The following ZNF385B variants were observed in gnomAD, a reference collection of about 807,000 sequenced individuals.
ZNF385B encodes zinc finger protein 385B, also known as zinc finger protein 533.
A neutral mutation model predicts 39.2 loss-of-function variants in ZNF385B; 23 were observed. The observed-to-expected ratio is 0.59, with a 90% CI of 0.42 to 0.83. ZNF385B has a LOEUF of 0.83. ZNF385B is among the 40% of genes least tolerant of loss of function. ZNF385B has a pLI of 0.00. For synonymous variants in ZNF385B, 205 were observed against 222.6 expected (o/e 0.92, Z 0.70); for missense variants, 552 against 598.9 (o/e 0.92, Z 0.82).
intron 5 of ZNF385B, among the ~76,000 whole-genome samples, chr2:179,493,618 T>C (rs372362259): frequency 0.029 from 3,125 of 107,994 alleles, 367 homozygotes; most frequent in Admixed American, 0.059. Flanking sequence ...TGTACGTACA[T>C]ATATGTATAC....
intron 1 of ZNF385B, among the ~76,000 whole-genome samples, chr2:179,838,649 T>C (rs1383022890): frequency 6.6e-6 from 1 of 152,166 alleles, no homozygotes; most frequent in Non-Finnish European, 1.5e-5. Context: ...TGTAAAGCTA[T>C]ATATAGATAG....
intron 4 of ZNF385B, among the ~76,000 whole-genome samples, chr2:179,537,601 T>C (rs2059655551): frequency 1.3e-5 from 2 of 151,702 alleles, no homozygotes; most frequent in African/African-American, 4.8e-5. Context: ...ATTAGCCAGG[T>C]GTGGTGGCGT....
Position 179,535,068 on chromosome 2 carries a change from T to C in ZNF385B, c.441+9759A>G, listed in dbSNP as rs542575528. 3.9e-5 allele frequency among the ~76,000 whole-genome samples: 6 copies of C among 152,274 alleles called. No individual in the cohort carries two copies. The South Asian group carries it at 1.2e-3, about 32-fold the overall frequency. ...AATGGACCATCTTATATAGAGAAGT[T>C]TGGGTCTACCTGGGAAAAACACAGA... On this transcript the variant is annotated intron_variant, in intron 4 of 9. Transcript: ENST00000410066.
intron 3 of ZNF385B, among the ~76,000 whole-genome samples, chr2:179,629,481 C>T (rs1447292197): frequency 6.6e-6 from 1 of 152,168 alleles, no homozygotes; most frequent in Non-Finnish European, 1.5e-5. Context: ...TGGGCAAATT[C>T]AGATTTTCAG....
chr2:179,575,846 C>T (rs1685751618), intron 3 of ZNF385B, among the ~76,000 whole-genome samples: 1 of 151,772 alleles, frequency 6.6e-6, no homozygotes, highest in Non-Finnish European at 1.5e-5. Context: ...TGACCCAGTG[C>T]TGGTATAATG....
intron 3 of ZNF385B, among the ~76,000 whole-genome samples, chr2:179,675,665 G>A (rs891926382): frequency 1.3e-5 from 2 of 152,280 alleles, no homozygotes; most frequent in South Asian, 2.1e-4. Flanking sequence ...ATAAGGGCCT[G>A]AACTGGTATG....
At chr2:179,455,444 A>C (rs894162056) in intron 6 of ZNF385B, among the ~76,000 whole-genome samples, 9 of 152,086 alleles carry the variant, frequency 5.9e-5, no homozygotes, top group Non-Finnish European at 1.3e-4. Context: ...TGGTTTCATA[A>C]GAGTTTTTTC....
intron 3 of ZNF385B, among the ~76,000 whole-genome samples, chr2:179,595,623 T>A (rs1358388079): frequency 6.8e-6 from 1 of 147,938 alleles, no homozygotes; most frequent in East Asian, 2.0e-4. Flanking sequence ...TCCCAGATAT[T>A]CTTTTTTTTT....
At chr2:179,725,456 T>A (rs115739511) in intron 3 of ZNF385B, among the ~76,000 whole-genome samples, 3,014 of 152,014 alleles carry the variant, frequency 0.02, 86 homozygotes, top group African/African-American at 0.067. Context: ...TGAATATATA[T>A]ATACACACAT....
chr2:179,548,197 C>A (rs1229005896), intron 3 of ZNF385B, among the ~76,000 whole-genome samples: 2 of 149,648 alleles, frequency 1.3e-5, no homozygotes, highest in Admixed American at 1.3e-4. Flanking sequence ...CCTTTCCAAT[C>A]TGATGCCCTT....
intron 4 of ZNF385B, among the ~76,000 whole-genome samples, chr2:179,541,117 G>A (rs1311161171): frequency 7.2e-5 from 11 of 152,194 alleles, no homozygotes; most frequent in Non-Finnish European, 1.3e-4. Context: ...ATGTGTCCTT[G>A]ACATGTACTC....
At chr2:179,822,956 G>A (rs1707488803) in intron 1 of ZNF385B, among the ~76,000 whole-genome samples, 1 of 152,140 alleles carries the variant, frequency 6.6e-6, no homozygotes, top group Admixed American at 6.5e-5. Context: ...ACCGTTGTGA[G>A]GGATACAAAG....
intron 3 of ZNF385B, among the ~76,000 whole-genome samples, chr2:179,714,130 T>C (rs1023488624): frequency 6.6e-6 from 1 of 152,172 alleles, no homozygotes; most frequent in African/African-American, 2.4e-5. Context: ...CTGAGCTACT[T>C]AGAAAGTCTA....
intron 3 of ZNF385B, among the ~76,000 whole-genome samples, chr2:179,636,587 C>G (rs3112945): frequency 1.3e-5 from 2 of 152,084 alleles, no homozygotes; most frequent in African/African-American, 4.8e-5. Flanking sequence ...ACACACTTCT[C>G]AGGCCCTCTC....
intron 3 of ZNF385B, among the ~76,000 whole-genome samples, chr2:179,609,679 T>A (rs2106127963): frequency 6.6e-6 from 1 of 152,356 alleles, no homozygotes; most frequent in South Asian, 2.1e-4. Context: ...GCTGTACTAA[T>A]GTGCATTCCC....
At chr2:179,738,428 C>T (rs1701894828) in intron 3 of ZNF385B, among the ~76,000 whole-genome samples, 1 of 152,174 alleles carries the variant, frequency 6.6e-6, no homozygotes, top group Non-Finnish European at 1.5e-5. Flanking sequence ...GGACTCCAAC[C>T]TTCATTGTTA....
At chr2:179,853,117 ATT>A (rs972705629) in intron 1 of ZNF385B, among the ~76,000 whole-genome samples, 1 of 152,150 alleles carries the variant, frequency 6.6e-6, no homozygotes, top group Admixed American at 6.5e-5. Flanking sequence ...CTTACAAATT[ATT>A]TTTCTTTCTA....
chr2:179,596,332 G>A (rs1023665636), intron 3 of ZNF385B, among the ~76,000 whole-genome samples: 10 of 152,112 alleles, frequency 6.6e-5, no homozygotes, highest in African/African-American at 2.4e-4. Context: ...AGTTTTATCA[G>A]CCTGCTTTCT....
chr2:179,838,929 G>GC (rs1327533512), intron 1 of ZNF385B, among the ~76,000 whole-genome samples: 2 of 95,896 alleles, frequency 2.1e-5, no homozygotes, highest in South Asian at 3.9e-4. Context: ...CAAAAAAAAA[G>GC]GGGGGGGGGC....
Sources: allele counts gnomAD v4.1 joint callset (sites outside exome capture counted in the v4.1 genomes callset), GRCh38; gene constraint gnomAD v4.1.1; transcripts MANE v1.5; gene names NCBI Gene and HGNC (gene_info 2026-07-23, HGNC 2026-07-21).